Variants in MAGI3 observed in about 807,000 individuals in gnomAD.
MAGI3 encodes the protein membrane associated guanylate kinase, WW and PDZ domain containing 3, also known as membrane-associated guanylate kinase, WW and PDZ domain-containing protein 3.
Under a neutral mutation model 121.8 loss-of-function variants are expected in MAGI3, and 43 were observed. That is an observed-to-expected ratio of 0.35 (90% CI 0.28 to 0.46). The LOEUF is 0.46. MAGI3 is among the 20% of genes least tolerant of loss of function. The probability of loss-of-function intolerance (pLI) is 1.00; values close to 1 mark genes in which losing one functional copy is unlikely to be tolerated. For synonymous variants in MAGI3, 553 were observed against 639.3 expected (o/e 0.86, Z 2.04); for missense variants, 1,547 against 1,797.3 (o/e 0.86, Z 2.52).
intron 1 of MAGI3, among the ~76,000 whole-genome samples, chr1:113,477,106 G>T (rs1655866947): frequency 1.4e-5 from 2 of 145,228 alleles, no homozygotes; most frequent in Non-Finnish European, 3.0e-5. Flanking sequence ...CCTTTATTTT[G>T]AGCCCGTGTG....
intron 1 of MAGI3, among the ~76,000 whole-genome samples, chr1:113,539,633 G>T: frequency 6.6e-6 from 1 of 151,992 alleles, no homozygotes; most frequent in East Asian, 1.9e-4. Context: ...ATGCCGGTGC[G>T]CTGCACCCAC....
At chr1:113,650,955 C>T (rs1653125960) in intron 13 of MAGI3, 59 bp from the exon 14 acceptor site, 1 of 1,490,364 alleles carries the variant, frequency 6.7e-7, no homozygotes, top group Non-Finnish European at 9.2e-7. Flanking sequence ...TTAGGAATTC[C>T]TTAACTCTTC....
chr1:113,441,048 A>T (rs1653887605), intron 1 of MAGI3, among the ~76,000 whole-genome samples: 1 of 152,158 alleles, frequency 6.6e-6, no homozygotes, highest in Non-Finnish European at 1.5e-5. Flanking sequence ...TACCAGATAT[A>T]TAACAAAGAA....
chr1:113,425,862 A>G lies in MAGI3; in HGVS notation c.316+34513A>G, dbSNP rs116254971. ...ATTTTGATGTTTTTAAAAACCTTCCAAAGAACCAGCTTTTTGTTTAATTGA... is the reference window on the plus strand; with the variant it reads ...ATTTTGATGTTTTTAAAAACCTTCCGAAGAACCAGCTTTTTGTTTAATTGA... On this transcript the variant is annotated intron_variant, in intron 1 of 20. Transcript: ENST00000307546. Among the ~76,000 whole-genome samples the G allele has an allele frequency of 4.1e-3, 625 of 152,246 alleles. 4 individuals carry two copies. Among genetic ancestry groups the G allele is most frequent in the African/African-American group, 0.014 (584 of 41,554 alleles).
chr1:113,391,455 C>T lies in MAGI3; in HGVS notation c.316+106C>T. ...CCCACCGCGTATTGTCCCGGGTAAT[C>T]TTAGACCTCTAGGGTGTGCCAGACT... is the stretch of plus-strand genomic sequence containing the variant. On this transcript the variant is annotated intron_variant, in intron 1 of 20. Transcript: ENST00000307546. The surrounding 1 kb of genome is among the most constrained non-coding windows in gnomAD (Gnocchi z 4.4). 7.8e-7 allele frequency: 1 copy of T among 1,280,218 alleles called. No homozygotes were observed. Among genetic ancestry groups the T allele is most frequent in the Non-Finnish European group, 1.1e-6 (1 of 917,378 alleles). 79.3% of individuals were successfully genotyped at this position (1,280,218 alleles called of 1,614,324 possible).
chr1:113,416,918 A>G (rs1652480867), intron 1 of MAGI3, among the ~76,000 whole-genome samples: 1 of 152,004 alleles, frequency 6.6e-6, no homozygotes, highest in Non-Finnish European at 1.5e-5. Context: ...AGTACTATAA[A>G]TAGTAAGGGT....
intron 2 of MAGI3, among the ~76,000 whole-genome samples, chr1:113,561,532 AT>A (rs2101688519): frequency 6.6e-6 from 1 of 152,362 alleles, no homozygotes; most frequent in South Asian, 2.1e-4. Flanking sequence ...ATCTCAATAG[AT>A]GCAGAAAAGG....
chr1:113,647,627 TAGAA>T (rs1190849676), intron 12 of MAGI3, among the ~76,000 whole-genome samples: 7 of 152,206 alleles, frequency 4.6e-5, no homozygotes, highest in Admixed American at 1.3e-4. Flanking sequence ...TATTTGTTCT[TAGAA>T]AGAGATGTAA....
chr1:113,472,532 A>T (rs1293471735), intron 1 of MAGI3, among the ~76,000 whole-genome samples: 1 of 150,930 alleles, frequency 6.6e-6, no homozygotes, highest in Admixed American at 6.6e-5. Context: ...TGTTTTGTTA[A>T]TTTTTTTCTG....
intron 1 of MAGI3, among the ~76,000 whole-genome samples, chr1:113,406,528 AAG>A (rs934433994): frequency 2.0e-4 from 30 of 152,098 alleles, no homozygotes; most frequent in African/African-American, 6.3e-4. Flanking sequence ...TGAAAAAAAA[AAG>A]AAAATAGATT....
At chr1:113,560,162 T>C (rs1275651883) in intron 2 of MAGI3, among the ~76,000 whole-genome samples, 1 of 152,040 alleles carries the variant, frequency 6.6e-6, no homozygotes, top group African/African-American at 2.4e-5. Context: ...AGAACTGAAA[T>C]CATAACAATC....
chr1:113,416,351 T>C (rs577174653), intron 1 of MAGI3, among the ~76,000 whole-genome samples: 1,987 of 91,358 alleles, frequency 0.022, 190 homozygotes, highest in Non-Finnish European at 0.033. Flanking sequence ...ATATTAATTA[T>C]ATATTAATTT....
At chr1:113,435,572 C>T (rs1653526582) in intron 1 of MAGI3, among the ~76,000 whole-genome samples, 1 of 152,066 alleles carries the variant, frequency 6.6e-6, no homozygotes. Context: ...ATAGTCACAT[C>T]ATTTATTTAT....
chr1:113,655,885 G>C (rs1653439819), intron 15 of MAGI3, among the ~76,000 whole-genome samples: 2 of 152,118 alleles, frequency 1.3e-5, no homozygotes, highest in Non-Finnish European at 2.9e-5. Context: ...GTTGCTTGTT[G>C]TAACTTCTGC....
At chr1:113,617,038 C>T (rs929740420) in intron 7 of MAGI3, among the ~76,000 whole-genome samples, 7 of 152,000 alleles carry the variant, frequency 4.6e-5, no homozygotes, top group African/African-American at 1.7e-4. Flanking sequence ...TATAGGCATG[C>T]GCCACCACAC....
chr1:113,639,041 T>C (rs1217791326), intron 9 of MAGI3, among the ~76,000 whole-genome samples: 7 of 152,208 alleles, frequency 4.6e-5, no homozygotes, highest in Non-Finnish European at 8.8e-5. Flanking sequence ...CCGAGCCAGG[T>C]GCGGCATATA....
chr1:113,683,026 G>A lies in MAGI3; in HGVS notation c.3458G>A (p.Arg1153Lys). The part of the protein sequence containing the change: ...SHVPVIEESL[R>K]VQICEKAEEL... Reference sequence around the variant, plus strand: ...GTGCCAGTAATTGAAGAATCTTTGAGAGTTCAGATATGTGAAAAGGCAGAA... The same window carrying A: ...GTGCCAGTAATTGAAGAATCTTTGAAAGTTCAGATATGTGAAAAGGCAGAA... Residue 1153 changes from arginine (R) to lysine (K), a missense_variant, in exon 21 of 21, where the codon AGA becomes AAA. Arg to Lys is a conservative substitution (Grantham distance 26). Transcript: ENST00000307546. 6.2e-7 allele frequency: 1 copy of A among 1,613,932 alleles called. No homozygotes were observed. Among genetic ancestry groups the A allele is most frequent in the East Asian group, 2.2e-5 (1 of 44,878 alleles).
In MAGI3 at chr1:113,451,516, A is replaced by G. The variant is rs530600638; in HGVS notation, c.316+60167A>G. Among the ~76,000 whole-genome samples the G allele has an allele frequency of 8.5e-5, 13 of 152,272 alleles. No homozygotes were observed. The East Asian group carries it at 2.5e-3, about 29-fold the overall frequency. On this transcript the variant is annotated intron_variant, in intron 1 of 20. Coordinates refer to ENST00000307546, the MANE Select transcript of MAGI3 (RefSeq NM_001142782.2). The stretch of plus-strand genomic sequence containing the variant: ...TCATTTATGGTACACCATAAGACTC[A>G]CTTTTTGATGCCAAGTGTTCTCGAA...
chr1:113,567,962 A>T (rs1660500642), intron 2 of MAGI3, among the ~76,000 whole-genome samples: 2 of 152,112 alleles, frequency 1.3e-5, no homozygotes, highest in Admixed American at 1.3e-4. Flanking sequence ...GAATTTGAAC[A>T]ACATGGGTGA....
Sources: allele counts gnomAD v4.1 joint callset (sites outside exome capture counted in the v4.1 genomes callset), GRCh38; gene constraint gnomAD v4.1.1; non-coding constraint Gnocchi (gnomAD v3.1); transcripts MANE v1.5; gene names NCBI Gene and HGNC (gene_info 2026-07-23, HGNC 2026-07-21).